CHLSN: variants seen among roughly 807,000 people sequenced by gnomAD.
CHLSN encodes the protein cholesin.
At chr7:978,504 G>C in the CHLSN span, among the ~76,000 whole-genome samples, 1 of 152,226 alleles carries the variant, frequency 6.6e-6, no homozygotes, top group Non-Finnish European at 1.5e-5. Flanking sequence ...GGGCAAAAAA[G>C]TGAGACCTTG....
the CHLSN span, among the ~76,000 whole-genome samples, chr7:1,033,457 C>T: frequency 1.3e-5 from 2 of 151,852 alleles, no homozygotes; most frequent in South Asian, 2.1e-4. Flanking sequence ...GCTCAGGAAG[C>T]TGAGGTAGGA....
chr7:987,312 G>C, the CHLSN span: 1 of 1,536,942 alleles, frequency 6.5e-7, no homozygotes, highest in African/African-American at 1.4e-5. Context: ...ACGAGGGATG[G>C]CGCTGCCACC....
the CHLSN span, among the ~76,000 whole-genome samples, chr7:1,017,363 C>A: frequency 1.3e-5 from 2 of 152,066 alleles, no homozygotes; most frequent in African/African-American, 4.8e-5. Flanking sequence ...ACACCACCAG[C>A]CTGGCCTGCC....
the CHLSN span, chr7:1,091,790 C>T: frequency 6.3e-7 from 1 of 1,589,150 alleles, no homozygotes; most frequent in Non-Finnish European, 8.6e-7. Flanking sequence ...ACCGCGCAGC[C>T]TGCGGCCCCC....
the CHLSN span, among the ~76,000 whole-genome samples, chr7:1,034,151 C>A: frequency 6.6e-6 from 1 of 152,216 alleles, no homozygotes; most frequent in African/African-American, 2.4e-5. Flanking sequence ...AACTGGCATT[C>A]CCGTGCTACC....
At chr7:1,092,155 A>ATGTT in the CHLSN span, 1 of 1,613,506 alleles carries the variant, frequency 6.2e-7, no homozygotes, top group Non-Finnish European at 8.5e-7. Flanking sequence ...CAACATGTAC[A>ATGTT]GCAGCGTCTT....
chr7:1,089,886 A>C, the CHLSN span, among the ~76,000 whole-genome samples: 6 of 151,774 alleles, frequency 4.0e-5, no homozygotes, highest in African/African-American at 1.5e-4. Context: ...AGTTCGATAC[A>C]AGCCTGGGCA....
chr7:1,009,563 C>T, the CHLSN span, among the ~76,000 whole-genome samples: 4 of 152,182 alleles, frequency 2.6e-5, no homozygotes, highest in Non-Finnish European at 5.9e-5. Flanking sequence ...GTGGCAGTGG[C>T]GCCTCCTGTC....
At chr7:1,035,011 A>G in the CHLSN span, among the ~76,000 whole-genome samples, 2 of 152,352 alleles carry the variant, frequency 1.3e-5, no homozygotes, top group South Asian at 2.1e-4. Context: ...TCCATGGTGT[A>G]TATGTACCAC....
At chr7:1,014,722 T>C in the CHLSN span, among the ~76,000 whole-genome samples, 1 of 152,250 alleles carries the variant, frequency 6.6e-6, no homozygotes, top group Admixed American at 6.5e-5. Flanking sequence ...TTCCGAATTT[T>C]CCTAAGTGAT....
the CHLSN span, among the ~76,000 whole-genome samples, chr7:1,007,561 C>T: frequency 1.1e-3 from 172 of 152,162 alleles, no homozygotes; most frequent in Middle Eastern, 3.4e-3. Flanking sequence ...TGCGGGCACC[C>T]TTGGAGACCC....
At chr7:1,127,248 C>A in the CHLSN span, 1 of 1,590,822 alleles carries the variant, frequency 6.3e-7, no homozygotes, top group Non-Finnish European at 8.5e-7. Context: ...GAAGCACAGG[C>A]GGCCTTACCT....
chr7:983,272 T>TGCGCCC, the CHLSN span: 3 of 1,543,608 alleles, frequency 1.9e-6, no homozygotes, highest in East Asian at 2.4e-5. Context: ...GCTCTGCGCC[T>TGCGCCC]GCGCCCAAGA....
the CHLSN span, among the ~76,000 whole-genome samples, chr7:1,067,256 G>A: frequency 7.7e-6 from 1 of 129,770 alleles, no homozygotes; most frequent in African/African-American, 3.0e-5. Context: ...GTCTGTTGGT[G>A]GAGGCTGGAG....
At chr7:1,027,638 T>C in the CHLSN span, among the ~76,000 whole-genome samples, 1 of 152,250 alleles carries the variant, frequency 6.6e-6, no homozygotes, top group African/African-American at 2.4e-5. Flanking sequence ...GTTTTCATCA[T>C]GAGTCTTTGC....
the CHLSN span, among the ~76,000 whole-genome samples, chr7:1,134,445 G>C: frequency 6.6e-6 from 1 of 151,956 alleles, no homozygotes; most frequent in Non-Finnish European, 1.5e-5. Context: ...GTGGTGGCGT[G>C]TGCCTGTAGT....
the CHLSN span, among the ~76,000 whole-genome samples, chr7:1,100,527 C>T: frequency 0.017 from 2,586 of 152,306 alleles, 92 homozygotes; most frequent in East Asian, 0.17. Flanking sequence ...CCTCACCAAG[C>T]GGCGTCAGCT....
the CHLSN span, among the ~76,000 whole-genome samples, chr7:1,109,690 C>T: frequency 6.6e-6 from 1 of 151,358 alleles, no homozygotes; most frequent in Admixed American, 6.6e-5. Flanking sequence ...CCTCCATGGC[C>T]AGCAGGGCCC....
chr7:1,073,215 C>T, the CHLSN span, among the ~76,000 whole-genome samples: 1 of 152,188 alleles, frequency 6.6e-6, no homozygotes, highest in Non-Finnish European at 1.5e-5. Flanking sequence ...CACACAGGAA[C>T]ACCTTACACC....
Sources: gnomAD v4.1 joint callset for allele counts (sites outside exome capture counted in the v4.1 genomes callset) on GRCh38, gnomAD v4.1.1 for gene constraint, MANE v1.5 for transcripts, NCBI Gene and HGNC (gene_info 2026-07-23, HGNC 2026-07-21) for gene names.